Variants in PRELID2 observed in about 807,000 individuals in gnomAD.
PRELID2 encodes PRELI domain containing 2, also known as PRELI domain-containing protein 2.
Under a neutral mutation model 28.4 loss-of-function variants are expected in PRELID2, and 25 were observed. That is an observed-to-expected ratio of 0.88 (90% CI 0.64 to 1.23). The LOEUF (loss-of-function observed/expected upper bound fraction) is 1.23, where lower values mean the gene tolerates loss of function less well. Among genes scored for constraint, PRELID2 ranks in the 50% most tolerant of loss-of-function variants. PRELID2 has a pLI of 0.00. For synonymous variants in PRELID2, 76 were observed against 71.6 expected (o/e 1.06, Z -0.31); for missense variants, 201 against 214.4 (o/e 0.94, Z 0.39).
At chr5:145,373,828 A>G in the PRELID2 span, among the ~76,000 whole-genome samples, 1 of 96,710 alleles carries the variant, frequency 1.0e-5, no homozygotes, top group Non-Finnish European at 1.8e-5. Flanking sequence ...GATATTATAT[A>G]TTACAACATA....
At chr5:145,642,990 G>A (rs186155565) in intron 1 of PRELID2, among the ~76,000 whole-genome samples, 27 of 152,306 alleles carry the variant, frequency 1.8e-4, no homozygotes, top group African/African-American at 5.5e-4. Context: ...GATTGTCTTG[G>A]CTATGCAAGC....
At chr5:145,481,623 C>CAAAAAAAAAAATAAAAAAA (rs1752160398) in intron 1 of PRELID2, among the ~76,000 whole-genome samples, 1 of 41,862 alleles carries the variant, frequency 2.4e-5, no homozygotes, top group Non-Finnish European at 3.8e-5. Context: ...GCAAGGAAAT[C>CAAAAAAAAAAATAAAAAAA]AAAAAAAAAA....
At chr5:145,363,155 TCAACA>T in the PRELID2 span, among the ~76,000 whole-genome samples, 7 of 148,722 alleles carry the variant, frequency 4.7e-5, no homozygotes, top group Middle Eastern at 0.011. Flanking sequence ...TGTGGCTAGC[TCAACA>T]CAAACATATC....
the PRELID2 span, among the ~76,000 whole-genome samples, chr5:145,360,196 G>A: frequency 6.6e-6 from 1 of 152,136 alleles, no homozygotes; most frequent in Non-Finnish European, 1.5e-5. Context: ...GACTCCAAAT[G>A]GGGAGACTCA....
At chr5:145,470,887 G>A (rs919901907), downstream of PRELID2, among the ~76,000 whole-genome samples, 1 of 151,990 alleles carries the variant, frequency 6.6e-6, no homozygotes. Context: ...TTGGAAAATT[G>A]CTTCTTGAGG....
At chr5:145,701,474 T>G (rs1261728244) in intron 1 of PRELID2, among the ~76,000 whole-genome samples, 1 of 152,232 alleles carries the variant, frequency 6.6e-6, no homozygotes, top group Non-Finnish European at 1.5e-5. Flanking sequence ...AACAATAGTA[T>G]TGATTTTAAA....
At chr5:145,487,029 G>A (rs1412814457) in intron 1 of PRELID2, among the ~76,000 whole-genome samples, 1 of 143,448 alleles carries the variant, frequency 7.0e-6, no homozygotes, top group Non-Finnish European at 1.5e-5. Context: ...CTCATAGGTG[G>A]GAATTGAACA....
intron 4 of PRELID2, among the ~76,000 whole-genome samples, chr5:145,806,480 T>C (rs150599965): frequency 6.6e-6 from 1 of 152,330 alleles, no homozygotes; most frequent in Non-Finnish European, 1.5e-5. Context: ...ATGATAACAA[T>C]GCTTTCCAGA....
intron 5 of PRELID2, among the ~76,000 whole-genome samples, chr5:145,779,819 T>C (rs985217975): frequency 6.6e-6 from 1 of 152,218 alleles, no homozygotes; most frequent in African/African-American, 2.4e-5. Flanking sequence ...CACTCTGATT[T>C]AAATCCACAT....
At chr5:145,245,502 G>T in the PRELID2 span, among the ~76,000 whole-genome samples, 1 of 151,714 alleles carries the variant, frequency 6.6e-6, no homozygotes, top group Non-Finnish European at 1.5e-5. Flanking sequence ...GGTTTTTCTG[G>T]CTAGGCCTGC....
intron 5 of PRELID2, among the ~76,000 whole-genome samples, chr5:145,765,632 CTCAAAGCTCCCCAAGGGA>C (rs1384018321): frequency 2.0e-5 from 3 of 152,166 alleles, no homozygotes; most frequent in Non-Finnish European, 4.4e-5. Context: ...GCATCCAACC[CTCAAAGCTCCCCAAGGGA>C]TCAGCTAAGA....
intron 1 of PRELID2, among the ~76,000 whole-genome samples, chr5:145,642,645 T>A (rs1754126231): frequency 6.6e-6 from 1 of 152,216 alleles, no homozygotes; most frequent in African/African-American, 2.4e-5. Flanking sequence ...TTTTATGGTT[T>A]TAGGTCTTAC....
the PRELID2 span, among the ~76,000 whole-genome samples, chr5:145,288,896 A>G: frequency 6.6e-6 from 1 of 152,120 alleles, no homozygotes; most frequent in Non-Finnish European, 1.5e-5. Flanking sequence ...TTTTTCCATC[A>G]GGGTACATGT....
intron 1 of PRELID2, among the ~76,000 whole-genome samples, chr5:145,509,460 G>T (rs986221759): frequency 3.9e-5 from 6 of 152,186 alleles, no homozygotes; most frequent in African/African-American, 1.4e-4. Flanking sequence ...CACCCAGGCT[G>T]CCCTGCACAA....
intron 1 of PRELID2, among the ~76,000 whole-genome samples, chr5:145,666,796 G>A (rs1355060275): frequency 6.6e-6 from 1 of 152,076 alleles, no homozygotes; most frequent in Non-Finnish European, 1.5e-5. Context: ...GACAAGCACA[G>A]AAGGAAATTT....
intron 1 of PRELID2, among the ~76,000 whole-genome samples, chr5:145,704,789 G>T (rs561740613): frequency 2.2e-4 from 34 of 152,312 alleles, no homozygotes; most frequent in African/African-American, 7.0e-4. Context: ...AGGGAATATA[G>T]TCTCCTTCAG....
chr5:145,799,227 TA>T (rs546513099), intron 4 of PRELID2, among the ~76,000 whole-genome samples: 8,848 of 134,058 alleles, frequency 0.066, 839 homozygotes, highest in African/African-American at 0.22. Context: ...ATACTGAAAT[TA>T]AAAAAAAAAA....
intron 4 of PRELID2, among the ~76,000 whole-genome samples, chr5:145,809,420 G>C (rs549345083): frequency 3.3e-5 from 5 of 152,356 alleles, no homozygotes; most frequent in African/African-American, 1.2e-4. Flanking sequence ...GCCAAATGGG[G>C]CCCTAAAATG....
intron 1 of PRELID2, among the ~76,000 whole-genome samples, chr5:145,659,495 T>C (rs952147565): frequency 4.6e-5 from 7 of 152,226 alleles, no homozygotes; most frequent in African/African-American, 9.6e-5. Context: ...AAAGCAGACA[T>C]GGACCTAGCA....
Sources: allele counts gnomAD v4.1 joint callset (sites outside exome capture counted in the v4.1 genomes callset), GRCh38; gene constraint gnomAD v4.1.1; transcripts MANE v1.5; gene names NCBI Gene and HGNC (gene_info 2026-07-23, HGNC 2026-07-21).